Variants in CA5A observed in about 807,000 individuals in gnomAD.
The protein encoded by CA5A is carbonic anhydrase 5A, also known as carbonic anhydrase 5A, mitochondrial.
CA5A carries 28 observed loss-of-function variants against 37.1 expected under a neutral mutation model. That is an observed-to-expected ratio of 0.75 (90% CI 0.56 to 1.03). CA5A has a LOEUF of 1.03. Ranked by LOEUF, CA5A falls within the 50% of genes least tolerant of loss-of-function variation. The pLI, the probability that CA5A is intolerant of heterozygous loss-of-function variation, is 0.00. For missense variants in CA5A, 444 were observed against 399.9 expected, an observed-to-expected ratio of 1.11 and a Z score of -0.94; for synonymous variants, 171 against 158.4, an observed-to-expected ratio of 1.08 and a Z score of -0.60.
rs1416944334 is a variant in CA5A, at chr16:87,888,051, C to T, written c.*78G>A. ...TCTTTTTAATTTCAGAAGTCATGTA[C>T]AATCACATTGTGAAACTTGGGAAAC... is the stretch of plus-strand genomic sequence containing the variant. On this transcript the variant is annotated 3_prime_UTR_variant, in exon 7 of 7. Transcript: ENST00000649794. 3 of 1,513,216 alleles carry T rather than the reference C, an allele frequency of 2.0e-6. No individual in the cohort carries two copies. The highest frequency in any genetic ancestry group is 2.7e-6 in the Non-Finnish European group (3 of 1,127,034). 93.7% of individuals were successfully genotyped at this position (1,513,216 alleles called of 1,614,324 possible).
chr16:87,892,429 G>A (rs1235592699), intron 5 of CA5A, among the ~76,000 whole-genome samples: 5 of 150,386 alleles, frequency 3.3e-5, no homozygotes, highest in Admixed American at 1.3e-4. Flanking sequence ...AGAATCGCTT[G>A]AGCCCAGGAG....
chr16:87,906,452 A>G (rs754333958), intron 2 of CA5A, among the ~76,000 whole-genome samples: 7 of 151,876 alleles, frequency 4.6e-5, no homozygotes, highest in Non-Finnish European at 1.0e-4. Flanking sequence ...ACGTGGTGTA[A>G]CCCATCTCTA....
chr16:87,901,699 T>C (rs2143946557), intron 5 of CA5A, among the ~76,000 whole-genome samples: 1 of 152,134 alleles, frequency 6.6e-6, no homozygotes, highest in East Asian at 1.9e-4. Flanking sequence ...ACGATTCTCC[T>C]GCCTCAGCCT....
chr16:87,894,552 G>A (rs991417304), intron 5 of CA5A, among the ~76,000 whole-genome samples: 9 of 149,948 alleles, frequency 6.0e-5, no homozygotes, highest in Admixed American at 2.0e-4. Flanking sequence ...GCATGTTCAC[G>A]TTTATAATTA....
chr16:87,923,505 G>A, intron 2 of CA5A: 1 of 979,206 alleles, frequency 1.0e-6, no homozygotes, highest in Non-Finnish European at 1.2e-6. Flanking sequence ...GCTTTTAAAG[G>A]GGGTCTGTCC....
chr16:87,919,379 C>T (rs1388291408), intron 2 of CA5A, among the ~76,000 whole-genome samples: 2 of 152,238 alleles, frequency 1.3e-5, no homozygotes, highest in Non-Finnish European at 2.9e-5. Context: ...TCGGGCTGGC[C>T]AGACGAGCAG....
intron 3 of CA5A, among the ~76,000 whole-genome samples, chr16:87,902,834 C>T (rs1350181170): frequency 6.6e-6 from 1 of 151,628 alleles, no homozygotes; most frequent in African/African-American, 2.4e-5. Flanking sequence ...ATGGTGTGAA[C>T]CCAGGAGGTA....
In CA5A at chr16:87,891,926, T is replaced by G. The variant is rs1344761438; in HGVS notation, c.647A>C (p.Asp216Ala). The G allele has an allele frequency of 4.5e-6, 7 of 1,555,458 alleles. No individual in the cohort carries two copies. The Admixed American group carries it at 7.9e-5, about 18-fold the overall frequency. The change falls in exon 6 of 7, where the codon GAC becomes GCC. Residue 216 changes from aspartate to alanine, a missense_variant. Asp to Ala is a moderately radical substitution (Grantham distance 126). Coordinates refer to ENST00000649794, the MANE Select transcript of CA5A (RefSeq NM_001739.2). The stretch of plus-strand genomic sequence containing the variant: ...GCAGGTGGGCAGCAGAGTGGAGGGG[T>G]CGAAGGGGCGCATGGCCGCCCGCGC... Reference protein sequence around the residue: ...KDARAAMRPFDPSTLLPTCWD... With the variant: ...KDARAAMRPFAPSTLLPTCWD...
chr16:87,913,254 C>T (rs1277369254), intron 2 of CA5A, among the ~76,000 whole-genome samples: 1 of 151,688 alleles, frequency 6.6e-6, no homozygotes, highest in African/African-American at 2.4e-5. Flanking sequence ...GCTGGGATTA[C>T]AGGCGTGAGC....
At chr16:87,899,817 G>C (rs1193742871) in intron 5 of CA5A, among the ~76,000 whole-genome samples, 1 of 147,910 alleles carries the variant, frequency 6.8e-6, no homozygotes, top group Non-Finnish European at 1.5e-5. Context: ...CTACTCATGA[G>C]GTTGAGGCAG....
intron 2 of CA5A, among the ~76,000 whole-genome samples, chr16:87,915,302 G>C (rs538107866): frequency 1.3e-5 from 2 of 152,186 alleles, no homozygotes; most frequent in African/African-American, 4.8e-5. Context: ...GCCCAAACTG[G>C]ATTTATAAAC....
chr16:87,908,395 C>T (rs914068631), intron 2 of CA5A, among the ~76,000 whole-genome samples: 1 of 152,188 alleles, frequency 6.6e-6, no homozygotes, highest in African/African-American at 2.4e-5. Context: ...TTGCGCATCG[C>T]ACACCCTTCA....
chr16:87,892,570 TAAA>T (rs979362593), intron 5 of CA5A, among the ~76,000 whole-genome samples: 1 of 146,430 alleles, frequency 6.8e-6, no homozygotes, highest in African/African-American at 2.5e-5. Flanking sequence ...TAATTAATAA[TAAA>T]AATAAAAATA....
At chr16:87,895,372 C>T (rs978703427) in intron 5 of CA5A, among the ~76,000 whole-genome samples, 1 of 152,092 alleles carries the variant, frequency 6.6e-6, no homozygotes, top group African/African-American at 2.4e-5. Context: ...ATGGCGAAAC[C>T]ATGTCTCTAC....
intron 2 of CA5A, among the ~76,000 whole-genome samples, chr16:87,916,753 C>A (rs528466096): frequency 6.6e-6 from 1 of 152,310 alleles, no homozygotes; most frequent in African/African-American, 2.4e-5. Context: ...AAAGACCACA[C>A]AGCACACAGG....
intron 1 of CA5A, among the ~76,000 whole-genome samples, chr16:87,928,164 G>A (rs1373848847): frequency 6.6e-6 from 1 of 152,012 alleles, no homozygotes; most frequent in Non-Finnish European, 1.5e-5. Flanking sequence ...TCTTAAAAGG[G>A]ATTAAATGGA....
downstream of CA5A, chr16:87,887,202 C>T (rs2055655642): frequency 1.3e-5 from 2 of 152,156 alleles, no homozygotes; most frequent in Admixed American, 1.3e-4. Context: ...TGCACCTGGC[C>T]TACTACAGCT....
intron 2 of CA5A, among the ~76,000 whole-genome samples, chr16:87,925,944 C>T (rs914665211): frequency 5.9e-5 from 9 of 152,210 alleles, no homozygotes; most frequent in African/African-American, 9.6e-5. Context: ...CAGCGAGGGC[C>T]GGGCGCGGTG....
At chr16:87,912,020 G>T (rs1289284749) in intron 2 of CA5A, among the ~76,000 whole-genome samples, 1 of 152,042 alleles carries the variant, frequency 6.6e-6, no homozygotes, top group Non-Finnish European at 1.5e-5. Context: ...TACTGTCATC[G>T]CCCAGGCACG....
Sources: allele counts gnomAD v4.1 joint callset (sites outside exome capture counted in the v4.1 genomes callset), GRCh38; gene constraint gnomAD v4.1.1; transcripts MANE v1.5; gene names NCBI Gene and HGNC (gene_info 2026-07-23, HGNC 2026-07-21).